The following GRID1 variants were observed in gnomAD, a reference collection of about 807,000 sequenced individuals.
GRID1 encodes the protein glutamate ionotropic receptor delta type subunit 1.
In GRID1, 28 loss-of-function variants were observed where a neutral mutation model predicts 98.0. That is an observed-to-expected ratio of 0.29 (90% CI 0.21 to 0.39). The LOEUF is 0.39. GRID1 is among the 10% of genes least tolerant of loss of function. The pLI, the probability that GRID1 is intolerant of heterozygous loss-of-function variation, is 1.00. For synonymous variants in GRID1, 553 were observed against 538.5 expected, an observed-to-expected ratio of 1.03 and a Z score of -0.37; for missense variants, 1,111 against 1,340.5, an observed-to-expected ratio of 0.83 and a Z score of 2.67.
chr10:85,946,357 C>G (rs1228372245), intron 4 of GRID1, among the ~76,000 whole-genome samples: 3 of 152,192 alleles, frequency 2.0e-5, no homozygotes. Flanking sequence ...GCTCTGAACC[C>G]TGCTCAGTGT....
chr10:85,833,651 G>C (rs1325418119), intron 8 of GRID1, among the ~76,000 whole-genome samples: 1 of 151,960 alleles, frequency 6.6e-6, no homozygotes. Context: ...CTGATGCTAA[G>C]ACCAGGATGG....
At chr10:86,213,665 T>A (rs1000100488) in intron 2 of GRID1, among the ~76,000 whole-genome samples, 3 of 152,058 alleles carry the variant, frequency 2.0e-5, no homozygotes, top group Admixed American at 6.6e-5. Flanking sequence ...CCCACCCCAC[T>A]GAACACTAAG....
At chr10:86,191,094 C>T (rs1845796898) in intron 3 of GRID1, among the ~76,000 whole-genome samples, 2 of 152,186 alleles carry the variant, frequency 1.3e-5, no homozygotes, top group Admixed American at 1.3e-4. Context: ...AGGCCTGTTA[C>T]ATGCATTTGA....
intron 2 of GRID1, among the ~76,000 whole-genome samples, chr10:86,248,807 C>T (rs944240761): frequency 1.3e-5 from 2 of 152,118 alleles, no homozygotes; most frequent in Non-Finnish European, 2.9e-5. Flanking sequence ...TCCTGGGCTC[C>T]AGTGATCCAC....
intron 8 of GRID1, among the ~76,000 whole-genome samples, chr10:85,766,246 G>C (rs1229213114): frequency 6.6e-6 from 1 of 152,274 alleles, no homozygotes; most frequent in Non-Finnish European, 1.5e-5. Context: ...AGCACTTTGA[G>C]AGACTGAGGC....
chr10:86,052,020 C>CA (rs1843509140), intron 4 of GRID1, among the ~76,000 whole-genome samples: 1 of 152,124 alleles, frequency 6.6e-6, no homozygotes, highest in Non-Finnish European at 1.5e-5. Flanking sequence ...TTTCATAGCA[C>CA]AAGAATGGGT....
At chr10:86,312,675 T>C (rs1273552340) in intron 2 of GRID1, among the ~76,000 whole-genome samples, 5 of 152,238 alleles carry the variant, frequency 3.3e-5, no homozygotes, top group African/African-American at 1.2e-4. Context: ...CGATCACATC[T>C]CACAAGGTGA....
intron 5 of GRID1, among the ~76,000 whole-genome samples, chr10:85,900,963 G>T (rs1841375139): frequency 6.6e-6 from 1 of 152,108 alleles, no homozygotes; most frequent in Non-Finnish European, 1.5e-5. Context: ...ACATTAATAA[G>T]TATTGCAAAA....
chr10:86,100,316 A>T (rs1263310720), intron 4 of GRID1, among the ~76,000 whole-genome samples: 1 of 152,206 alleles, frequency 6.6e-6, no homozygotes, highest in Non-Finnish European at 1.5e-5. Flanking sequence ...AACATGTCTC[A>T]TATATCATCT....
chr10:86,225,650 A>G (rs536537502), intron 2 of GRID1, among the ~76,000 whole-genome samples: 7 of 152,268 alleles, frequency 4.6e-5, no homozygotes, highest in Non-Finnish European at 7.4e-5. Context: ...GGGACCAAGA[A>G]GGCCCATGGG....
intron 2 of GRID1, among the ~76,000 whole-genome samples, chr10:86,284,973 A>G (rs1471505015): frequency 1.9e-5 from 2 of 102,826 alleles, no homozygotes; most frequent in Non-Finnish European, 3.9e-5. Context: ...TGGGGACAAC[A>G]GTAATGGGGT....
intron 12 of GRID1, among the ~76,000 whole-genome samples, chr10:85,690,248 A>G (rs550427040): frequency 3.4e-4 from 52 of 152,296 alleles, no homozygotes; most frequent in African/African-American, 1.1e-3. Flanking sequence ...TAGCAATAAA[A>G]TTTACATAAA....
chr10:85,709,046 G>T, intron 12 of GRID1: 1 of 321,618 alleles, frequency 3.1e-6, no homozygotes, highest in Non-Finnish European at 6.3e-6. Flanking sequence ...GAACTACTTG[G>T]GTGCTATGAT....
chr10:86,187,716 G>T (rs1845746024), intron 3 of GRID1, among the ~76,000 whole-genome samples: 1 of 152,196 alleles, frequency 6.6e-6, no homozygotes, highest in African/African-American at 2.4e-5. Flanking sequence ...CGCCTGCTCA[G>T]GCTGAGCTGA....
In GRID1 at chr10:86,366,198, G is replaced by A. The variant is rs1589465079; in HGVS notation, c.79+116C>T. ...CGGGCGGCGCGGCGCGGCCCTTCGG[G>A]GGAGCACCGCCCGCCGAGCCCCTCG... On this transcript the variant is annotated intron_variant, in intron 1 of 15. Coordinates refer to ENST00000327946, the MANE Select transcript of GRID1 (RefSeq NM_017551.3). The surrounding 1 kb of genome is among the most constrained non-coding windows in gnomAD (Gnocchi z 4.1). 1 of 576,298 alleles carries A rather than the reference G, an allele frequency of 1.7e-6. No individual in the cohort carries two copies. Among genetic ancestry groups the A allele is most frequent in the Non-Finnish European group, 2.6e-6 (1 of 379,768 alleles). 35.7% of individuals were successfully genotyped at this position (576,298 alleles called of 1,614,324 possible). A position where few individuals can be genotyped will look rare whatever the true frequency, so the allele number is the denominator to read the frequency against.
chr10:86,125,745 C>G (rs573619799), intron 4 of GRID1, among the ~76,000 whole-genome samples: 2 of 152,272 alleles, frequency 1.3e-5, no homozygotes, highest in African/African-American at 4.8e-5. Flanking sequence ...CCGCCTCTTC[C>G]TCAGCCTACT....
intron 4 of GRID1, among the ~76,000 whole-genome samples, chr10:86,014,651 A>C (rs932750617): frequency 2.6e-5 from 4 of 152,252 alleles, no homozygotes; most frequent in Non-Finnish European, 4.4e-5. Flanking sequence ...GCAAGTATGT[A>C]GATGCCATCC....
chr10:86,320,698 AAC>A (rs1301463552), intron 2 of GRID1, among the ~76,000 whole-genome samples: 1 of 152,224 alleles, frequency 6.6e-6, no homozygotes, highest in Non-Finnish European at 1.5e-5. Context: ...CATTTTAACA[AAC>A]ACACACACAT....
chr10:85,651,833 T>A (rs2132558129), intron 12 of GRID1, among the ~76,000 whole-genome samples: 1 of 152,314 alleles, frequency 6.6e-6, no homozygotes, highest in East Asian at 1.9e-4. Flanking sequence ...CCTATCTTCT[T>A]ACTTCAACTT....
Sources: gnomAD v4.1 joint callset for allele counts (sites outside exome capture counted in the v4.1 genomes callset) on GRCh38, gnomAD v4.1.1 for gene constraint, Gnocchi (gnomAD v3.1) non-coding constraint, MANE v1.5 for transcripts, NCBI Gene and HGNC (gene_info 2026-07-23, HGNC 2026-07-21) for gene names.